The following KCNIP4 variants were observed in gnomAD, a reference collection of about 807,000 sequenced individuals.
The protein encoded by KCNIP4 is potassium voltage-gated channel interacting protein 4.
Under a neutral mutation model 34.0 loss-of-function variants are expected in KCNIP4, and 12 were observed. The observed-to-expected ratio is 0.35, with a 90% CI of 0.23 to 0.57. The LOEUF (loss-of-function observed/expected upper bound fraction) is 0.57. Ranked by LOEUF, KCNIP4 falls within the 20% of genes least tolerant of loss-of-function variation. The probability of loss-of-function intolerance (pLI) is 0.83; values close to 1 mark genes in which losing one functional copy is unlikely to be tolerated. For missense variants in KCNIP4, 238 were observed against 311.7 expected (o/e 0.76, Z 1.78); for synonymous variants, 124 against 102.2 (o/e 1.21, Z -1.29).
At chr4:21,742,024 G>T (rs904855495) in intron 1 of KCNIP4, among the ~76,000 whole-genome samples, 1 of 152,080 alleles carries the variant, frequency 6.6e-6, no homozygotes, top group Non-Finnish European at 1.5e-5. Context: ...GCAACAGAGC[G>T]AGACTCCATC....
At chr4:21,938,525 C>A (rs1256759923) in intron 1 of KCNIP4, among the ~76,000 whole-genome samples, 1 of 152,114 alleles carries the variant, frequency 6.6e-6, no homozygotes, top group Non-Finnish European at 1.5e-5. Flanking sequence ...TTGTATTATA[C>A]ATGATTCTGT....
chr4:21,143,909 C>T (rs1752162261), intron 1 of KCNIP4, among the ~76,000 whole-genome samples: 1 of 151,842 alleles, frequency 6.6e-6, no homozygotes, highest in Non-Finnish European at 1.5e-5. Context: ...GGGGTTTCAC[C>T]ATCTTGGCCA....
intron 1 of KCNIP4, among the ~76,000 whole-genome samples, chr4:21,563,364 G>T (rs964364380): frequency 6.6e-6 from 1 of 152,068 alleles, no homozygotes; most frequent in Non-Finnish European, 1.5e-5. Context: ...TTTACATAAA[G>T]TCTGTTAACT....
At chr4:21,109,791 A>G (rs1748987982) in intron 1 of KCNIP4, among the ~76,000 whole-genome samples, 1 of 151,940 alleles carries the variant, frequency 6.6e-6, no homozygotes, top group Non-Finnish European at 1.5e-5. Context: ...TTTTCCTACC[A>G]TATTCTTTGT....
chr4:21,481,675 T>G (rs916360378), intron 1 of KCNIP4, among the ~76,000 whole-genome samples: 4 of 152,170 alleles, frequency 2.6e-5, no homozygotes, highest in African/African-American at 9.7e-5. Context: ...GACTAATGGA[T>G]TCCAGCCTAC....
chr4:21,640,769 A>C (rs1205834613), intron 1 of KCNIP4, among the ~76,000 whole-genome samples: 1 of 152,184 alleles, frequency 6.6e-6, no homozygotes, highest in Non-Finnish European at 1.5e-5. Flanking sequence ...TGCTAACAAG[A>C]GAAGGCTCTG....
intron 1 of KCNIP4, among the ~76,000 whole-genome samples, chr4:21,049,186 G>A (rs1742714523): frequency 6.6e-6 from 1 of 151,454 alleles, no homozygotes. Context: ...TCCTGACCTC[G>A]TGATCCGCCC....
intron 1 of KCNIP4, among the ~76,000 whole-genome samples, chr4:21,574,804 C>T (rs1177543187): frequency 6.6e-6 from 1 of 152,180 alleles, no homozygotes; most frequent in African/African-American, 2.4e-5. Flanking sequence ...CTCTCTACTA[C>T]TCTTGTTCTC....
chr4:20,838,997 T>G (rs984477996), intron 3 of KCNIP4, among the ~76,000 whole-genome samples: 3 of 152,198 alleles, frequency 2.0e-5, no homozygotes, highest in Admixed American at 6.5e-5. Context: ...AAAATCCCAG[T>G]GAGGGAATCA....
intron 1 of KCNIP4, among the ~76,000 whole-genome samples, chr4:21,431,369 A>G (rs1726431113): frequency 6.6e-6 from 1 of 152,094 alleles, no homozygotes; most frequent in East Asian, 1.9e-4. Context: ...AAAGGCAAAA[A>G]GGGCATAAGC....
chr4:21,757,178 G>A (rs1215240794), intron 1 of KCNIP4, among the ~76,000 whole-genome samples: 2,150 of 29,870 alleles, frequency 0.072, 49 homozygotes, highest in East Asian at 0.2. Flanking sequence ...AAGGAAGGAA[G>A]GAAGGAAGGA....
chr4:21,107,528 A>G (rs1748684502), intron 1 of KCNIP4, among the ~76,000 whole-genome samples: 1 of 150,350 alleles, frequency 6.7e-6, no homozygotes, highest in South Asian at 2.1e-4. Context: ...AATACAGCAC[A>G]CTGATGGGTC....
chr4:20,836,957 C>T (rs1050968344), intron 3 of KCNIP4, among the ~76,000 whole-genome samples: 1 of 152,000 alleles, frequency 6.6e-6, no homozygotes, highest in Non-Finnish European at 1.5e-5. Flanking sequence ...CCACCACACT[C>T]TAATGTCTAT....
chr4:20,830,591 T>C (rs139094948), intron 3 of KCNIP4, among the ~76,000 whole-genome samples: 68 of 152,318 alleles, frequency 4.5e-4, no homozygotes, highest in African/African-American at 1.6e-3. Flanking sequence ...CTTGGGAAGT[T>C]TCTAAACTTT....
intron 1 of KCNIP4, among the ~76,000 whole-genome samples, chr4:21,638,821 T>C (rs1365102820): frequency 1.3e-5 from 2 of 152,226 alleles, no homozygotes; most frequent in African/African-American, 4.8e-5. Context: ...TCTTGAAAGA[T>C]GGCTCCTCAG....
intron 1 of KCNIP4, among the ~76,000 whole-genome samples, chr4:21,273,589 C>G (rs1762278191): frequency 6.6e-6 from 1 of 152,078 alleles, no homozygotes; most frequent in African/African-American, 2.4e-5. Context: ...CTTTCCATAC[C>G]TTTATTCATA....
At chr4:20,936,196 A>G (rs1393859116) in intron 1 of KCNIP4, among the ~76,000 whole-genome samples, 1 of 152,142 alleles carries the variant, frequency 6.6e-6, no homozygotes, top group Non-Finnish European at 1.5e-5. Context: ...ATAGAAGACA[A>G]AGTGGTGGTG....
chr4:20,870,748 T>A (rs1339984930), intron 2 of KCNIP4, among the ~76,000 whole-genome samples: 1 of 152,150 alleles, frequency 6.6e-6, no homozygotes, highest in Non-Finnish European at 1.5e-5. Context: ...AGTCTCTCAT[T>A]TCCTCCCACA....
chr4:21,610,909 G>A (rs1454401313), intron 1 of KCNIP4, among the ~76,000 whole-genome samples: 1 of 151,914 alleles, frequency 6.6e-6, no homozygotes, highest in Non-Finnish European at 1.5e-5. Context: ...ACGGTGATTT[G>A]CTGCACCCAT....
Sources: allele counts gnomAD v4.1 joint callset (sites outside exome capture counted in the v4.1 genomes callset), GRCh38; gene constraint gnomAD v4.1.1; transcripts MANE v1.5; gene names NCBI Gene and HGNC (gene_info 2026-07-23, HGNC 2026-07-21).